The following ITGBL1 variants were observed in gnomAD, a reference collection of about 807,000 sequenced individuals.
The protein encoded by ITGBL1 is integrin beta-like protein 1.
ITGBL1 carries 51 observed loss-of-function variants against 68.5 expected under a neutral mutation model. The ratio of observed to expected loss-of-function variants is 0.74; its 90% CI spans 0.59 to 0.94. ITGBL1 has a LOEUF of 0.94. Ranked by LOEUF, ITGBL1 falls within the 40% of genes least tolerant of loss-of-function variation. The pLI, the probability that ITGBL1 is intolerant of heterozygous loss-of-function variation, is 0.00. For missense variants in ITGBL1, 649 were observed against 647.4 expected, an observed-to-expected ratio of 1.00 and a Z score of -0.03; for synonymous variants, 209 against 227.3, an observed-to-expected ratio of 0.92 and a Z score of 0.72.
At chr13:101,708,683 G>A (rs1483488186) in intron 9 of ITGBL1, among the ~76,000 whole-genome samples, 3 of 152,198 alleles carry the variant, frequency 2.0e-5, no homozygotes, top group African/African-American at 7.2e-5. Flanking sequence ...GATGGATGCT[G>A]TGACTATCTG....
intron 9 of ITGBL1, among the ~76,000 whole-genome samples, chr13:101,708,589 A>C (rs909452633): frequency 6.6e-6 from 1 of 152,204 alleles, no homozygotes; most frequent in Non-Finnish European, 1.5e-5. Flanking sequence ...TCCCCTAAAC[A>C]GTAGCTTTTG....
chr13:101,629,944 T>G (rs994471402), intron 7 of ITGBL1, among the ~76,000 whole-genome samples: 8 of 152,146 alleles, frequency 5.3e-5, no homozygotes, highest in Non-Finnish European at 8.8e-5. Flanking sequence ...TGCCTCAGCC[T>G]CCTGAGTAGC....
At position 101,675,465 on chromosome 13, in the gene ITGBL1, T is replaced by C. The variant is rs139861594; in HGVS notation, c.1016-17120T>C. On this transcript the variant is annotated intron_variant, in intron 7 of 10. Transcript: ENST00000376180. ...CAAAGATTTAAGTAAGGTTGATTTC[T>C]TCCAAGGGCGTCTTTCCTTGTCTTG... 2.5e-3 allele frequency among the ~76,000 whole-genome samples: 378 copies of C among 152,302 alleles called. 2 individuals carry two copies. Among genetic ancestry groups the C allele is most frequent in the Middle Eastern group, 0.014 (4 of 292 alleles).
chr13:101,465,616 G>A (rs1341802079), intron 2 of ITGBL1, among the ~76,000 whole-genome samples: 1 of 152,184 alleles, frequency 6.6e-6, no homozygotes, highest in East Asian at 1.9e-4. Context: ...GCTTGCATCA[G>A]TGGAAAGATA....
At chr13:101,517,556 A>G (rs1350879823) in intron 2 of ITGBL1, among the ~76,000 whole-genome samples, 1 of 152,188 alleles carries the variant, frequency 6.6e-6, no homozygotes, top group Non-Finnish European at 1.5e-5. Flanking sequence ...GTTGAGAAGC[A>G]CTCAAAGTTT....
At position 101,708,369 on chromosome 13, in the gene ITGBL1, C is replaced by T. The variant is rs577995687; in HGVS notation, c.1279+1467C>T. Among the ~76,000 whole-genome samples, 271 of 150,302 alleles carry T rather than the reference C, an allele frequency of 1.8e-3. 2 individuals carry two copies. The highest frequency in any genetic ancestry group is 6.9e-3 in the Middle Eastern group (2 of 288). ...GTATCCTCTTTACACCACAGACACA[C>T]TTTTTTTTTTCTGACAAGGCACAGC... On this transcript the variant is annotated intron_variant, in intron 9 of 10. Coordinates refer to ENST00000376180, the MANE Select transcript of ITGBL1 (RefSeq NM_004791.3).
rs1594010324 is a variant in ITGBL1, at chr13:101,715,436, C to T, written c.1394-127C>T. On this transcript the variant is annotated intron_variant, in intron 10 of 10. Coordinates refer to ENST00000376180, the MANE Select transcript of ITGBL1 (RefSeq NM_004791.3). ...ATAAGATGTAATAATAACATCATTGCACAATAAGAAAATCTACCAAGGATG... is the reference window on the plus strand; with the variant it reads ...ATAAGATGTAATAATAACATCATTGTACAATAAGAAAATCTACCAAGGATG... The T allele has an allele frequency of 6.8e-6, 5 of 733,718 alleles. No individual in the cohort carries two copies. In the East Asian group the frequency reaches 1.0e-4, roughly 15 times the overall value. 45.5% of individuals were successfully genotyped at this position (733,718 alleles called of 1,614,324 possible).
At chr13:101,689,045 A>G (rs1594982061) in intron 7 of ITGBL1, among the ~76,000 whole-genome samples, 2 of 10,606 alleles carry the variant, frequency 1.9e-4, no homozygotes, top group South Asian at 7.5e-3. Flanking sequence ...TAAAAATAGA[A>G]AAAAAAAAAA....
chr13:101,692,667 C>T lies in ITGBL1; in HGVS notation c.1098C>T (p.Arg366=). Residue 366 remains arginine (R), a synonymous_variant, in exon 8 of 11, where the codon CGC becomes CGT. Transcript: ENST00000376180. ...VYGKTCECDD[R]RCEDLDGVVC... The stretch of plus-strand genomic sequence containing the variant: ...GCAAGACTTGTGAGTGTGATGATCG[C>T]CGCTGTGAAGACCTCGATGGTGTGG... 1 of 1,613,634 alleles carries T rather than the reference C, an allele frequency of 6.2e-7. No individual in the cohort carries two copies. Among genetic ancestry groups the T allele is most frequent in the Non-Finnish European group, 8.5e-7 (1 of 1,179,594 alleles).
At chr13:101,665,807 A>ATGTTGGGTTG (rs2033199904) in intron 7 of ITGBL1, among the ~76,000 whole-genome samples, 2 of 152,210 alleles carry the variant, frequency 1.3e-5, no homozygotes, top group Non-Finnish European at 2.9e-5. Flanking sequence ...ATTGCCTAAT[A>ATGTTGGGTTG]ACAAGAACTA....
intron 6 of ITGBL1, among the ~76,000 whole-genome samples, chr13:101,588,185 A>G (rs1216897141): frequency 4.6e-5 from 7 of 152,082 alleles, no homozygotes; most frequent in African/African-American, 1.7e-4. Context: ...TGGCCTTTGG[A>G]CCACTCAATG....
chr13:101,549,206 A>T (rs2049878760), intron 2 of ITGBL1, among the ~76,000 whole-genome samples: 1 of 151,968 alleles, frequency 6.6e-6, no homozygotes, highest in Non-Finnish European at 1.5e-5. Context: ...TATGGAAAAA[A>T]TAAATATGGA....
At chr13:101,487,187 G>C (rs927871490) in intron 2 of ITGBL1, among the ~76,000 whole-genome samples, 3 of 152,136 alleles carry the variant, frequency 2.0e-5, no homozygotes, top group African/African-American at 7.2e-5. Context: ...TGTAGTTACA[G>C]CTCCAAGGCA....
At chr13:101,464,533 A>C (rs7984480) in intron 2 of ITGBL1, among the ~76,000 whole-genome samples, 86,707 of 148,004 alleles carry the variant, frequency 0.59, 26,331 homozygotes, top group East Asian at 0.77. Flanking sequence ...CTCTCTCTCT[A>C]TATATATATA....
chr13:101,630,443 T>A (rs994269428), intron 7 of ITGBL1, among the ~76,000 whole-genome samples: 2 of 152,198 alleles, frequency 1.3e-5, no homozygotes, highest in African/African-American at 4.8e-5. Flanking sequence ...AATTCTTTCA[T>A]GATGTGAATC....
At chr13:101,666,991 G>A (rs373042753) in intron 7 of ITGBL1, among the ~76,000 whole-genome samples, 1 of 152,182 alleles carries the variant, frequency 6.6e-6, no homozygotes, top group Non-Finnish European at 1.5e-5. Context: ...AAAGCAAAAC[G>A]ATTTGTCCAA....
intron 3 of ITGBL1, among the ~76,000 whole-genome samples, chr13:101,568,134 G>T (rs1594895031): frequency 1.3e-5 from 2 of 152,192 alleles, no homozygotes; most frequent in South Asian, 4.1e-4. Flanking sequence ...TTGAATACCG[G>T]ATTACATCTG....
intron 7 of ITGBL1, among the ~76,000 whole-genome samples, chr13:101,614,080 G>A (rs997539254): frequency 2.6e-5 from 4 of 151,992 alleles, no homozygotes; most frequent in Non-Finnish European, 5.9e-5. Context: ...GGGTAGGGGT[G>A]TAGAGAGAAA....
At chr13:101,638,158 C>G (rs2032238233) in intron 7 of ITGBL1, among the ~76,000 whole-genome samples, 1 of 152,122 alleles carries the variant, frequency 6.6e-6, no homozygotes, top group Non-Finnish European at 1.5e-5. Context: ...TTTGGAAGCT[C>G]AAGTCTTCCT....
Sources: gnomAD v4.1 joint callset for allele counts (sites outside exome capture counted in the v4.1 genomes callset) on GRCh38, gnomAD v4.1.1 for gene constraint, MANE v1.5 for transcripts, NCBI Gene and HGNC (gene_info 2026-07-23, HGNC 2026-07-21) for gene names.